The following PIEZO1 variants were observed in gnomAD, a reference collection of about 807,000 sequenced individuals.
PIEZO1 encodes piezo type mechanosensitive ion channel component 1 (Er blood group).
Under a neutral mutation model 297.2 loss-of-function variants are expected in PIEZO1, and 296 were observed. The observed-to-expected ratio is 1.00, with a 90% CI of 0.91 to 1.10. The LOEUF is 1.10. Ranked by LOEUF, PIEZO1 falls within the 50% of genes least tolerant of loss-of-function variation. PIEZO1 has a pLI of 0.00. For synonymous variants in PIEZO1, 2,427 were observed against 1,507.5 expected, an observed-to-expected ratio of 1.61 and a Z score of -14.13; for missense variants, 5,018 against 3,455.5, an observed-to-expected ratio of 1.45 and a Z score of -11.34.
chr16:88,781,325 G>A (rs1907926585), intron 1 of PIEZO1, among the ~76,000 whole-genome samples: 1 of 152,230 alleles, frequency 6.6e-6, no homozygotes, highest in African/African-American at 2.4e-5. Flanking sequence ...CTGGCAGCTG[G>A]GGCTGGAGCT....
At chr16:88,777,701 C>T (rs987302212) in intron 1 of PIEZO1, among the ~76,000 whole-genome samples, 3 of 152,232 alleles carry the variant, frequency 2.0e-5, no homozygotes, top group African/African-American at 4.8e-5. Flanking sequence ...GCGAGGGCCG[C>T]GTGGTGGCTG....
Position 88,726,693 on chromosome 16 carries a change from TGCGG to T in PIEZO1, c.3699+18_3699+21del. ...GCCAGCGGGGCCCCAGGGCGGTGGG[TGCGG>T]GGGGGCCGGAGGCTCACCGACAGCA... On this transcript the variant is annotated intron_variant, in intron 25 of 50. Coordinates refer to ENST00000301015, the MANE Select transcript of PIEZO1 (RefSeq NM_001142864.4). 1 of 1,335,268 alleles carries T rather than the reference TGCGG, an allele frequency of 7.5e-7. No individual in the cohort carries two copies. 82.7% of individuals were successfully genotyped at this position (1,335,268 alleles called of 1,614,324 possible).
intron 30 of PIEZO1, 31 bp from the exon 31 acceptor site, chr16:88,724,002 T>C (rs1310515122): frequency 1.5e-6 from 2 of 1,334,642 alleles, no homozygotes; most frequent in Non-Finnish European, 1.1e-6. Context: ...GAGCCAGCCT[T>C]CCATGCAGGG....
intron 1 of PIEZO1, among the ~76,000 whole-genome samples, chr16:88,754,550 C>G (rs1215640746): frequency 6.6e-6 from 1 of 152,134 alleles, no homozygotes; most frequent in Non-Finnish European, 1.5e-5. Context: ...GAGGAGCTGT[C>G]TGGCCTCCTC....
chr16:88,745,969 C>G (rs561715469), intron 2 of PIEZO1, among the ~76,000 whole-genome samples: 3 of 152,328 alleles, frequency 2.0e-5, no homozygotes, highest in African/African-American at 7.2e-5. Context: ...TAGCCACCAT[C>G]CCCACACCTG....
At chr16:88,753,122 A>T (rs1400514874) in intron 1 of PIEZO1, among the ~76,000 whole-genome samples, 2 of 43,526 alleles carry the variant, frequency 4.6e-5, no homozygotes, top group Non-Finnish European at 8.4e-5. Flanking sequence ...GAGCACACTC[A>T]CCCCCGGAGC....
intron 22 of PIEZO1, among the ~76,000 whole-genome samples, chr16:88,729,482 C>T (rs71395322): frequency 0.18 from 17,406 of 96,732 alleles, 1,506 homozygotes; most frequent in Non-Finnish European, 0.27. Context: ...GGGAACCTCG[C>T]GACACAAAAA....
intron 2 of PIEZO1, among the ~76,000 whole-genome samples, chr16:88,746,309 C>G (rs1555558986): frequency 6.6e-6 from 1 of 152,178 alleles, no homozygotes; most frequent in Non-Finnish European, 1.5e-5. Flanking sequence ...GATCTCTCTC[C>G]AGACAGCAGG....
rs184858391 is a variant in PIEZO1 at position 88,749,152 on chromosome 16, A to G, written c.160+232T>C. The stretch of plus-strand genomic sequence containing the variant: ...CTACCCGGGAGGCTGAGGCAGGAGA[A>G]TGGCGTGAACCTGGGAGGCGAAGCC... On this transcript the variant is annotated intron_variant, in intron 2 of 50. Transcript: ENST00000301015. Among the ~76,000 whole-genome samples the G allele has an allele frequency of 2.6e-3, 393 of 151,630 alleles. 15 individuals are homozygous for G. The highest frequency in any genetic ancestry group is 0.022 in the Admixed American group (341 of 15,232).
At chr16:88,779,726 CCT>C (rs1907841893) in intron 1 of PIEZO1, among the ~76,000 whole-genome samples, 1 of 152,234 alleles carries the variant, frequency 6.6e-6, no homozygotes, top group South Asian at 2.1e-4. Context: ...TCCCAAGGAG[CCT>C]CTGTGCTCCT....
At chr16:88,717,002 G>C in intron 45 of PIEZO1, 21 bp downstream of exon 45, 2 of 1,549,762 alleles carry the variant, frequency 1.3e-6, no homozygotes, top group Non-Finnish European at 1.7e-6. Flanking sequence ...GGAATGGACA[G>C]GCGGACCCAC....
intron 5 of PIEZO1, 129 bp downstream of exon 5, chr16:88,741,349 C>G (rs1567678278): frequency 1.1e-6 from 1 of 881,936 alleles, no homozygotes; most frequent in East Asian, 2.7e-5. Flanking sequence ...ACTTCCTCCT[C>G]TCTTTAACAC....
At chr16:88,750,728 G>A (rs558720171) in intron 1 of PIEZO1, among the ~76,000 whole-genome samples, 544 of 152,302 alleles carry the variant, frequency 3.6e-3, no homozygotes, top group Non-Finnish European at 6.0e-3. Flanking sequence ...GCCTGATGTC[G>A]TCTCCTCGCA....
Position 88,733,352 on chromosome 16 carries a change from C to G in PIEZO1, c.2590G>C (p.Val864Leu). The change falls in exon 19 of 51, where the codon GTC becomes CTC. Residue 864 changes from valine (V) to leucine (L), a missense_variant. Physicochemically the swap from Val to Leu is conservative, Grantham distance 32. Transcript: ENST00000301015. ...TACAGCATCTTACACACGATGATGA[C>G]GCAGGTCCACACGGTGGACAGGCAG... ...ASCLSTVWTC[V>L]IIVCKMLYQL... 1 of 1,550,178 alleles carries G rather than the reference C, an allele frequency of 6.5e-7. No homozygotes were observed. Among genetic ancestry groups the G allele is most frequent in the Non-Finnish European group, 8.7e-7 (1 of 1,146,806 alleles).
In PIEZO1 at chr16:88,716,657, C is replaced by A; in HGVS notation, c.6828G>T (p.Ala2276=). Residue 2276 remains alanine (A), a synonymous_variant, in exon 47 of 51, where the codon GCG becomes GCT. Coordinates refer to ENST00000301015, the MANE Select transcript of PIEZO1 (RefSeq NM_001142864.4). ...GGCTGGGGGGACTGATGCGCCACAG[C>A]GCCCCGGAGCTGCCCTCAATCTGCG... ...VTAQIEGSSG[A]LWRISPPSRA... 6.5e-7 allele frequency: 1 copy of A among 1,549,324 alleles called. No individual in the cohort carries two copies. Among genetic ancestry groups the A allele is most frequent in the Non-Finnish European group, 8.7e-7 (1 of 1,146,912 alleles).
At chr16:88,733,780 C>A (rs778867324) in intron 17 of PIEZO1, 35 bp from the exon 18 acceptor site, 1 of 1,488,912 alleles carries the variant, frequency 6.7e-7, no homozygotes, top group Non-Finnish European at 9.0e-7. Context: ...GGGGCACAAA[C>A]GGGGATTCCC....
intron 21 of PIEZO1, 101 bp downstream of exon 21, chr16:88,732,234 A>G (rs1193949650): frequency 9.4e-7 from 1 of 1,068,570 alleles, no homozygotes; most frequent in Non-Finnish European, 1.4e-6. Flanking sequence ...GGCCCAGGCA[A>G]ACCCAGGTGG....
chr16:88,732,719 C>G lies in PIEZO1; in HGVS notation c.2678G>C (p.Ser893Thr), dbSNP rs1185617127. 5 of 1,547,454 alleles carry G rather than the reference C, an allele frequency of 3.2e-6. No homozygotes were observed. Among genetic ancestry groups the G allele is most frequent in the Non-Finnish European group, 4.4e-6 (5 of 1,145,302 alleles). Reference sequence around the variant, plus strand: ...GATCTCCGTGGGCAGCAAGTTGGTGCTGTTGGGGAAGGGCTGGCAAGAGGC... The same window carrying G: ...GATCTCCGTGGGCAGCAAGTTGGTGGTGTTGGGGAAGGGCTGGCAAGAGGC... Reference protein sequence around the residue: ...SSNCTEPFPNSTNLLPTEISQ... With the variant: ...SSNCTEPFPNTTNLLPTEISQ... The change falls in exon 20 of 51, where the codon AGC becomes ACC. Residue 893 changes from serine (S) to threonine (T), a missense_variant. Physicochemically the swap from Ser to Thr is moderately conservative, Grantham distance 58 (BLOSUM62 1). Coordinates refer to ENST00000301015, the MANE Select transcript of PIEZO1 (RefSeq NM_001142864.4).
chr16:88,737,104 G>C (rs942636295), intron 10 of PIEZO1: 1 of 237,792 alleles, frequency 4.2e-6, no homozygotes, highest in Non-Finnish European at 8.2e-6. Flanking sequence ...TTAGGGTAAA[G>C]AAAGAAAGTA....
Sources: gnomAD v4.1 joint callset for allele counts (sites outside exome capture counted in the v4.1 genomes callset) on GRCh38, gnomAD v4.1.1 for gene constraint, MANE v1.5 for transcripts, NCBI Gene and HGNC (gene_info 2026-07-23, HGNC 2026-07-21) for gene names.